Variants in PPP1R1C observed in about 807,000 individuals in gnomAD.
PPP1R1C encodes the protein protein phosphatase 1 regulatory inhibitor subunit 1C.
PPP1R1C carries 15 observed loss-of-function variants against 17.4 expected under a neutral mutation model. The observed-to-expected ratio is 0.86, with a 90% CI of 0.58 to 1.33. The LOEUF (loss-of-function observed/expected upper bound fraction) is 1.33. Ranked by LOEUF, PPP1R1C falls within the 40% of genes most tolerant of loss-of-function variation. PPP1R1C has a pLI of 0.00. For missense variants in PPP1R1C, 143 were observed against 130.0 expected (o/e 1.10, Z -0.48); for synonymous variants, 35 against 43.1 (o/e 0.81, Z 0.73).
chr2:182,059,446 T>C (rs1687784344), intron 2 of PPP1R1C, among the ~76,000 whole-genome samples: 1 of 151,920 alleles, frequency 6.6e-6, no homozygotes, highest in Non-Finnish European at 1.5e-5. Context: ...TCCAGTTTCC[T>C]AAAGACTTCT....
chr2:182,061,406 T>C (rs778241801), intron 2 of PPP1R1C, 36 bp from the exon 3 acceptor site: 2 of 1,326,260 alleles, frequency 1.5e-6, no homozygotes, highest in Non-Finnish European at 2.0e-6. Flanking sequence ...GAAAGAATAT[T>C]ACATGCCTAA....
chr2:182,084,720 TAC>T (rs1030308774), intron 4 of PPP1R1C, among the ~76,000 whole-genome samples: 3 of 152,108 alleles, frequency 2.0e-5, no homozygotes, highest in Non-Finnish European at 4.4e-5. Context: ...TTGTTCATCT[TAC>T]ACAGAGTTAC....
intron 2 of PPP1R1C, among the ~76,000 whole-genome samples, chr2:182,009,722 TC>T (rs1478763067): frequency 1.3e-5 from 2 of 152,054 alleles, no homozygotes; most frequent in African/African-American, 4.8e-5. Flanking sequence ...CTGGAGAGTT[TC>T]CCCAATGTTT....
chr2:182,076,563 A>G (rs1297051212), intron 4 of PPP1R1C, among the ~76,000 whole-genome samples: 2 of 150,926 alleles, frequency 1.3e-5, no homozygotes, highest in African/African-American at 2.4e-5. Flanking sequence ...CACTGCACTC[A>G]TTTATGCTTT....
intron 4 of PPP1R1C, among the ~76,000 whole-genome samples, chr2:182,090,316 T>TGTGTGTGTGTGTGTGA (rs1559088764): frequency 6.6e-6 from 1 of 151,316 alleles, no homozygotes; most frequent in African/African-American, 2.4e-5. Context: ...TGTGTGTGTG[T>TGTGTGTGTGTGTGTGA]CAGAGAGAGA....
At chr2:182,048,327 CA>C (rs1229317816) in intron 2 of PPP1R1C, among the ~76,000 whole-genome samples, 1 of 152,114 alleles carries the variant, frequency 6.6e-6, no homozygotes, top group East Asian at 1.9e-4. Context: ...GATAGGCCTT[CA>C]ACGGAGCCCA....
At chr2:181,991,234 T>A (rs1221859814) in intron 2 of PPP1R1C, among the ~76,000 whole-genome samples, 1 of 152,150 alleles carries the variant, frequency 6.6e-6, no homozygotes, top group Admixed American at 6.5e-5. Flanking sequence ...TATTTCAAGA[T>A]GTATATTCAG....
At chr2:182,117,110 G>A (rs929490896) in intron 4 of PPP1R1C, 97 bp from the exon 5 acceptor site, 5 of 854,630 alleles carry the variant, frequency 5.9e-6, no homozygotes, top group Non-Finnish European at 9.3e-6. Context: ...AACACCAAAT[G>A]AAAACTTTGC....
At chr2:182,092,323 C>T (rs550576144) in intron 4 of PPP1R1C, among the ~76,000 whole-genome samples, 1 of 152,052 alleles carries the variant, frequency 6.6e-6, no homozygotes, top group African/African-American at 2.4e-5. Context: ...GAGACCTGCT[C>T]CTATGATTCA....
At chr2:182,021,495 T>C (rs1686428155) in intron 2 of PPP1R1C, among the ~76,000 whole-genome samples, 2 of 151,938 alleles carry the variant, frequency 1.3e-5, no homozygotes, top group Admixed American at 6.6e-5. Flanking sequence ...GCCTGGCTAA[T>C]TTTTGTATTT....
At chr2:182,065,729 C>A (rs569963050) in intron 4 of PPP1R1C, among the ~76,000 whole-genome samples, 34 of 152,116 alleles carry the variant, frequency 2.2e-4, no homozygotes, top group African/African-American at 7.9e-4. Context: ...GAGACCCAGT[C>A]TCTAAAAAAA....
chr2:182,108,992 C>T (rs1460196876), intron 4 of PPP1R1C, among the ~76,000 whole-genome samples: 1 of 152,172 alleles, frequency 6.6e-6, no homozygotes, highest in East Asian at 1.9e-4. Flanking sequence ...CCTGTCTTCG[C>T]TAGCATTTCT....
intron 2 of PPP1R1C, among the ~76,000 whole-genome samples, chr2:182,050,184 C>G (rs1270283286): frequency 1.3e-5 from 2 of 152,174 alleles, no homozygotes; most frequent in Non-Finnish European, 2.9e-5. Context: ...AATATCAAGG[C>G]AAGTTTTTTG....
intron 2 of PPP1R1C, among the ~76,000 whole-genome samples, chr2:182,003,213 C>G (rs565649658): frequency 6.6e-6 from 1 of 152,242 alleles, no homozygotes; most frequent in South Asian, 2.1e-4. Context: ...CTCATCTTTT[C>G]CAAACAGTAG....
At chr2:182,125,088 T>C (rs1342329484) in intron 5 of PPP1R1C, among the ~76,000 whole-genome samples, 1 of 152,172 alleles carries the variant, frequency 6.6e-6, no homozygotes, top group East Asian at 1.9e-4. Context: ...ACATAGTTTG[T>C]TGAGTGTTTT....
At chr2:182,130,150 C>T (rs932152934), downstream of PPP1R1C, 4 of 152,060 alleles carry the variant, frequency 2.6e-5, no homozygotes, top group Non-Finnish European at 4.4e-5. Context: ...ATTTGTTTCC[C>T]TTTCTTGATT....
At chr2:182,113,082 A>C (rs1574462138) in intron 4 of PPP1R1C, among the ~76,000 whole-genome samples, 1 of 152,198 alleles carries the variant, frequency 6.6e-6, no homozygotes, top group South Asian at 2.1e-4. Flanking sequence ...TCACCCTGCT[A>C]CTTAATGCAG....
At chr2:182,069,237 A>T (rs549101610) in intron 4 of PPP1R1C, among the ~76,000 whole-genome samples, 2 of 151,508 alleles carry the variant, frequency 1.3e-5, no homozygotes, top group Non-Finnish European at 2.9e-5. Context: ...ATTTCTAGAT[A>T]ACAAGGAACA....
At chr2:182,041,601 C>T (rs940072245) in intron 2 of PPP1R1C, among the ~76,000 whole-genome samples, 5 of 127,010 alleles carry the variant, frequency 3.9e-5, no homozygotes, top group African/African-American at 1.3e-4. Flanking sequence ...AACAGAGAGA[C>T]TCTGTCTCAA....
Sources: allele counts gnomAD v4.1 joint callset (sites outside exome capture counted in the v4.1 genomes callset), GRCh38; gene constraint gnomAD v4.1.1; transcripts MANE v1.5; gene names NCBI Gene and HGNC (gene_info 2026-07-23, HGNC 2026-07-21).